The following SRPX variants were observed in gnomAD, a reference collection of about 807,000 sequenced individuals.
SRPX encodes the protein sushi repeat-containing protein SRPX.
Under a neutral mutation model 38.1 loss-of-function variants are expected in SRPX, and 24 were observed. The observed-to-expected ratio is 0.63, with a 90% confidence interval of 0.46 to 0.89. SRPX has a LOEUF of 0.89. SRPX is among the 40% of genes least tolerant of loss of function. The pLI is 0.00. For synonymous variants in SRPX, 184 were observed against 153.8 expected, an observed-to-expected ratio of 1.20 and a Z score of -1.45; for missense variants, 416 against 377.8, an observed-to-expected ratio of 1.10 and a Z score of -0.84.
intron 5 of SRPX, 34 bp from the exon 6 acceptor site, chrX:38,161,088 A>G: frequency 8.3e-7 from 1 of 1,201,605 alleles, no homozygotes; most frequent in Non-Finnish European, 1.1e-6. Context: ...AGGAAAGATG[A>G]CATTATGGAC....
chrX:38,169,438 T>G (rs1268190894), intron 4 of SRPX, among the ~76,000 whole-genome samples: 1 of 111,973 alleles, frequency 8.9e-6, no homozygotes, highest in Non-Finnish European at 1.9e-5. Flanking sequence ...CCAAAATGTT[T>G]TATTCCAGAA....
chrX:38,154,835 T>A (rs1292279358), intron 8 of SRPX, among the ~76,000 whole-genome samples: 1 of 111,916 alleles, frequency 8.9e-6, no homozygotes, highest in African/African-American at 3.2e-5. Context: ...GGGCAGTCTA[T>A]GTATTTCCAG....
At chrX:38,156,850 C>A in intron 8 of SRPX, 46 bp downstream of exon 8, 1 of 1,184,312 alleles carries the variant, frequency 8.4e-7, no homozygotes, top group Non-Finnish European at 1.1e-6. Flanking sequence ...TGGGCCCTTC[C>A]TGTTAAAGGT....
rs760087854 is a variant in SRPX, at chrX:38,149,662, G to A, written c.*49C>T. On this transcript the variant is annotated 3_prime_UTR_variant, in exon 10 of 10. Coordinates refer to ENST00000378533, the MANE Select transcript of SRPX (RefSeq NM_006307.5). Reference sequence around the variant, plus strand: ...ATTTTTAAGGCTTTCCCGTGTGCATGTCACTATGTAGACAATGAAGAGGAA... The same window carrying A: ...ATTTTTAAGGCTTTCCCGTGTGCATATCACTATGTAGACAATGAAGAGGAA... 7.2e-6 allele frequency: 8 copies of A among 1,108,635 alleles called. No individual in the cohort carries two copies. In the East Asian group the frequency reaches 2.2e-4, roughly 30 times the overall value. 91.4% of individuals were successfully genotyped at this position (1,108,635 alleles called of 1,213,427 possible).
At chrX:38,190,048 C>T (rs897634521) in intron 1 of SRPX, among the ~76,000 whole-genome samples, 2 of 112,221 alleles carry the variant, frequency 1.8e-5, no homozygotes, top group Non-Finnish European at 3.8e-5. Context: ...GCGACTGGTA[C>T]GTCGTTCTTG....
intron 2 of SRPX, among the ~76,000 whole-genome samples, 171 bp downstream of exon 2, chrX:38,178,104 CATTTTGCTTT>C (rs773122584): frequency 8.9e-6 from 1 of 111,752 alleles, no homozygotes; most frequent in South Asian, 3.8e-4. Flanking sequence ...ATTTCCAATG[CATTTTGCTTT>C]ATTTCCTTTT....
At chrX:38,200,417 A>G (rs1441820868) in intron 1 of SRPX, among the ~76,000 whole-genome samples, 1 of 112,187 alleles carries the variant, frequency 8.9e-6, no homozygotes, top group Non-Finnish European at 1.9e-5. Flanking sequence ...TTGCTTGTTC[A>G]CTTTTGAAAT....
chrX:38,193,177 A>G (rs1406469148), intron 1 of SRPX, among the ~76,000 whole-genome samples: 2 of 111,331 alleles, frequency 1.8e-5, no homozygotes, highest in Non-Finnish European at 3.8e-5. Flanking sequence ...GGTGATTTAC[A>G]TGAATTATTT....
At chrX:38,203,299 G>A (rs1010178405) in intron 1 of SRPX, among the ~76,000 whole-genome samples, 6 of 111,601 alleles carry the variant, frequency 5.4e-5, no homozygotes, top group African/African-American at 1.6e-4. Context: ...CCTGATGAAG[G>A]GGATCTACAG....
chrX:38,220,082 G>A (rs986713163), intron 1 of SRPX, among the ~76,000 whole-genome samples: 2 of 113,287 alleles, frequency 1.8e-5, no homozygotes, highest in African/African-American at 6.4e-5. Context: ...CTCTTTCCCT[G>A]GGGCTAATCA....
At chrX:38,198,596 G>A (rs1377204947) in intron 1 of SRPX, among the ~76,000 whole-genome samples, 1 of 111,851 alleles carries the variant, frequency 8.9e-6, no homozygotes, top group African/African-American at 3.3e-5. Flanking sequence ...CATGATTACC[G>A]CTATGATTCT....
chrX:38,166,811 G>A (rs779264332), intron 4 of SRPX, among the ~76,000 whole-genome samples: 15 of 111,866 alleles, frequency 1.3e-4, no homozygotes, highest in Middle Eastern at 4.6e-3. Flanking sequence ...CTTAGTCTCT[G>A]TCAGGTAAAC....
chrX:38,183,689 A>G (rs1183580481), intron 1 of SRPX, among the ~76,000 whole-genome samples: 1 of 112,015 alleles, frequency 8.9e-6, no homozygotes. Flanking sequence ...CTTTATTTAT[A>G]AAAGGCTATC....
At chrX:38,185,384 T>C (rs1938755489) in intron 1 of SRPX, among the ~76,000 whole-genome samples, 1 of 112,179 alleles carries the variant, frequency 8.9e-6, no homozygotes, top group East Asian at 2.8e-4. Context: ...AGCCAGATGA[T>C]TTAGTGCTAA....
At chrX:38,157,180 A>G in intron 7 of SRPX, 151 bp from the exon 8 acceptor site, 1 of 631,947 alleles carries the variant, frequency 1.6e-6, no homozygotes, top group Non-Finnish European at 2.3e-6. Context: ...CAGTCCCAAG[A>G]AGCGCCTGTG....
chrX:38,203,026 C>G lies in SRPX; in HGVS notation c.97+17670G>C, dbSNP rs769811282. Among the ~76,000 whole-genome samples, 3 of 111,721 alleles carry G rather than the reference C, an allele frequency of 2.7e-5. No individual in the cohort carries two copies. The South Asian group carries it at 1.1e-3, about 42-fold the overall frequency. On this transcript the variant is annotated intron_variant, in intron 1 of 9. Coordinates refer to ENST00000378533, the MANE Select transcript of SRPX (RefSeq NM_006307.5). The stretch of plus-strand genomic sequence containing the variant: ...TGAACACAGATGCAAAAATCCCCAA[C>G]AAAGTATTACCAAATAAAACACAAC...
chrX:38,153,109 C>A (rs1054271035), intron 9 of SRPX, among the ~76,000 whole-genome samples: 1 of 111,095 alleles, frequency 9.0e-6, no homozygotes, highest in East Asian at 2.8e-4. Flanking sequence ...ACTGAGTAGC[C>A]AATATTTGAA....
intron 9 of SRPX, among the ~76,000 whole-genome samples, chrX:38,151,287 C>T (rs1357875765): frequency 7.2e-5 from 8 of 111,679 alleles, no homozygotes; most frequent in Admixed American, 9.5e-5. Context: ...GTTCTGAACA[C>T]GCGAATGTAG....
chrX:38,180,071 G>A (rs1938638863), intron 1 of SRPX, among the ~76,000 whole-genome samples: 1 of 111,380 alleles, frequency 9.0e-6, no homozygotes, highest in Admixed American at 9.5e-5. Context: ...CAGTTGAACT[G>A]CATGTCTGCA....
Sources: allele counts gnomAD v4.1 joint callset (sites outside exome capture counted in the v4.1 genomes callset), GRCh38; gene constraint gnomAD v4.1.1; transcripts MANE v1.5; gene names NCBI Gene and HGNC (gene_info 2026-07-23, HGNC 2026-07-21).